RSPO2: variants seen among roughly 807,000 people sequenced by gnomAD.
RSPO2 encodes R-spondin-2.
Under a neutral mutation model 30.9 loss-of-function variants are expected in RSPO2, and 14 were observed. That is an observed-to-expected ratio of 0.45 (90% confidence interval 0.30 to 0.71). The LOEUF is 0.71. RSPO2 is among the 30% of genes least tolerant of loss of function. The pLI, the probability that RSPO2 is intolerant of heterozygous loss-of-function variation, is 0.08. For missense variants in RSPO2, 264 were observed against 301.9 expected (o/e 0.87, Z 0.93); for synonymous variants, 107 against 96.4 (o/e 1.11, Z -0.64).
intron 4 of RSPO2, among the ~76,000 whole-genome samples, 173 bp from the exon 5 acceptor site, chr8:107,958,441 A>AT (rs1261377131): frequency 6.6e-6 from 1 of 152,120 alleles, no homozygotes; most frequent in Non-Finnish European, 1.5e-5. Flanking sequence ...GGGAACTTTA[A>AT]TTTTTTGAAC....
chr8:108,065,194 C>T (rs13268600), intron 2 of RSPO2, among the ~76,000 whole-genome samples: 45,738 of 150,242 alleles, frequency 0.3, 7,741 homozygotes, highest in African/African-American at 0.47. Context: ...AGTACTACAA[C>T]ACCTAGATGA....
At chr8:108,070,529 T>C (rs1024085815) in intron 2 of RSPO2, among the ~76,000 whole-genome samples, 15 of 151,954 alleles carry the variant, frequency 9.9e-5, no homozygotes, top group African/African-American at 3.6e-4. Context: ...CCTGACCTCA[T>C]GATCCACCCG....
rs150697793 is a variant in RSPO2, at chr8:108,066,674, A to G, written c.94+15871T>C. On this transcript the variant is annotated intron_variant, in intron 2 of 5. Coordinates refer to ENST00000276659, the MANE Select transcript of RSPO2 (RefSeq NM_178565.5). ...CTTATCATCTGCTTTACCTGGAAGA[A>G]TTGTGTTTCATAGTACAAAAATATC... Among the ~76,000 whole-genome samples, 899 of 152,336 alleles carry G rather than the reference A, an allele frequency of 5.9e-3. 14 individuals are homozygous for G. Among genetic ancestry groups the G allele is most frequent in the African/African-American group, 0.021 (866 of 41,572 alleles).
intron 2 of RSPO2, among the ~76,000 whole-genome samples, chr8:108,041,203 C>CAAAAAAAA (rs55937336): frequency 1.5e-4 from 15 of 100,342 alleles, no homozygotes; most frequent in African/African-American, 4.2e-4. Flanking sequence ...CAAAAAGTGG[C>CAAAAAAAA]AAAAAAAAAA....
At chr8:107,946,503 C>A (rs1813063594) in intron 5 of RSPO2, among the ~76,000 whole-genome samples, 2 of 152,132 alleles carry the variant, frequency 1.3e-5, no homozygotes, top group South Asian at 2.1e-4. Context: ...AACGGACAAA[C>A]CTGTGGGACT....
At chr8:107,916,726 T>G (rs183970035) in intron 5 of RSPO2, among the ~76,000 whole-genome samples, 2 of 152,224 alleles carry the variant, frequency 1.3e-5, no homozygotes, top group Admixed American at 1.3e-4. Flanking sequence ...TGGCTAAGAT[T>G]TGAAGGGAAT....
chr8:108,049,286 C>A (rs181386055), intron 2 of RSPO2, among the ~76,000 whole-genome samples: 3 of 151,936 alleles, frequency 2.0e-5, no homozygotes, highest in Non-Finnish European at 2.9e-5. Context: ...AGCCCAACCA[C>A]ACGATATATT....
intron 2 of RSPO2, among the ~76,000 whole-genome samples, chr8:108,054,283 G>C (rs1812168760): frequency 6.6e-6 from 1 of 152,134 alleles, no homozygotes; most frequent in African/African-American, 2.4e-5. Flanking sequence ...GCAGGGTCCA[G>C]TGGAGATTTG....
At chr8:108,026,442 T>G (rs1402853855) in intron 2 of RSPO2, among the ~76,000 whole-genome samples, 1 of 152,194 alleles carries the variant, frequency 6.6e-6, no homozygotes, top group African/African-American at 2.4e-5. Context: ...TTTAATAAAT[T>G]CATTGCGATT....
chr8:107,947,553 A>G (rs1813105178), intron 5 of RSPO2, among the ~76,000 whole-genome samples: 1 of 152,310 alleles, frequency 6.6e-6, no homozygotes, highest in Admixed American at 6.5e-5. Flanking sequence ...CTCTTTAGAA[A>G]AGCAAACAAC....
chr8:107,996,460 T>C (rs548648258), intron 2 of RSPO2, among the ~76,000 whole-genome samples: 31 of 152,290 alleles, frequency 2.0e-4, no homozygotes, highest in African/African-American at 6.3e-4. Context: ...AGAATTTATA[T>C]GCAGATTTGA....
intron 2 of RSPO2, among the ~76,000 whole-genome samples, chr8:108,048,830 A>G (rs1811986821): frequency 6.6e-6 from 1 of 152,108 alleles, no homozygotes; most frequent in Non-Finnish European, 1.5e-5. Context: ...CCCTCTACTC[A>G]CTGCTTTAAA....
chr8:108,079,576 T>G (rs1352959887), intron 2 of RSPO2, among the ~76,000 whole-genome samples: 1 of 152,144 alleles, frequency 6.6e-6, no homozygotes, highest in Non-Finnish European at 1.5e-5. Context: ...GCCAAGAATT[T>G]TATTTCATTA....
intron 2 of RSPO2, among the ~76,000 whole-genome samples, chr8:108,034,396 T>C (rs1378994288): frequency 1.3e-5 from 2 of 152,192 alleles, no homozygotes; most frequent in African/African-American, 4.8e-5. Flanking sequence ...TTAATTTTTA[T>C]AGTAAGTGTT....
intron 2 of RSPO2, among the ~76,000 whole-genome samples, chr8:107,998,082 G>A (rs914891067): frequency 6.6e-6 from 1 of 152,052 alleles, no homozygotes; most frequent in Non-Finnish European, 1.5e-5. Flanking sequence ...AAATAATGTT[G>A]CAAGTTCAAC....
intron 5 of RSPO2, among the ~76,000 whole-genome samples, chr8:107,901,778 C>T: frequency 6.6e-6 from 1 of 152,182 alleles, no homozygotes; most frequent in Non-Finnish European, 1.5e-5. Flanking sequence ...TTATCCAAAT[C>T]CCCTGGACAA....
chr8:108,020,241 C>G (rs1244344273), intron 2 of RSPO2, among the ~76,000 whole-genome samples: 1 of 152,108 alleles, frequency 6.6e-6, no homozygotes, highest in Non-Finnish European at 1.5e-5. Context: ...TCCAAAGTAT[C>G]TTTCACTCTG....
chr8:107,939,908 T>C (rs542438094), intron 5 of RSPO2, among the ~76,000 whole-genome samples: 3 of 152,216 alleles, frequency 2.0e-5, no homozygotes, highest in African/African-American at 7.2e-5. Flanking sequence ...AGTTGCTTAA[T>C]ATTAATATCA....
intron 2 of RSPO2, among the ~76,000 whole-genome samples, chr8:108,060,438 T>A (rs770805517): frequency 6.6e-6 from 1 of 151,420 alleles, no homozygotes; most frequent in Admixed American, 6.6e-5. Context: ...TATCAGTGAT[T>A]GAAGATGAAA....
Sources: allele counts gnomAD v4.1 joint callset (sites outside exome capture counted in the v4.1 genomes callset), GRCh38; gene constraint gnomAD v4.1.1; transcripts MANE v1.5; gene names NCBI Gene and HGNC (gene_info 2026-07-23, HGNC 2026-07-21).